ARHGEF10: variants seen among roughly 807,000 people sequenced by gnomAD.
The protein encoded by ARHGEF10 is Rho guanine nucleotide exchange factor 10, also known as Rho guanine nucleotide exchange factor (GEF) 10.
Under a neutral mutation model 147.4 loss-of-function variants are expected in ARHGEF10, and 140 were observed. That is an observed-to-expected ratio of 0.95 (90% CI 0.83 to 1.09). ARHGEF10 has a LOEUF of 1.09. Among genes scored for constraint, ARHGEF10 ranks in the 50% least tolerant of loss-of-function variants. The pLI, the probability that ARHGEF10 is intolerant of heterozygous loss-of-function variation, is 0.00. For missense variants in ARHGEF10, 2,222 were observed against 1,752.7 expected, an observed-to-expected ratio of 1.27 and a Z score of -4.78; for synonymous variants, 902 against 695.8, an observed-to-expected ratio of 1.30 and a Z score of -4.67.
At chr8:1,910,659 A>G (rs1016420258) in intron 18 of ARHGEF10, among the ~76,000 whole-genome samples, 1 of 152,334 alleles carries the variant, frequency 6.6e-6, no homozygotes, top group Non-Finnish European at 1.5e-5. Flanking sequence ...CATTTCTGAC[A>G]TGATTCATTA....
intron 18 of ARHGEF10, among the ~76,000 whole-genome samples, chr8:1,922,657 C>T (rs143041794): frequency 1.3e-5 from 2 of 152,236 alleles, no homozygotes; most frequent in South Asian, 2.1e-4. Flanking sequence ...TCAGGAGTGC[C>T]GTGTCATTGT....
intron 8 of ARHGEF10, among the ~76,000 whole-genome samples, chr8:1,878,908 C>T (rs1353374575): frequency 6.6e-6 from 1 of 152,150 alleles, no homozygotes; most frequent in African/African-American, 2.4e-5. Flanking sequence ...TCTGCATTTC[C>T]AGCCTCTCCT....
At chr8:1,923,434 A>G in intron 19 of ARHGEF10, 34 bp from the exon 20 acceptor site, 1 of 1,613,910 alleles carries the variant, frequency 6.2e-7, no homozygotes, top group Non-Finnish European at 8.5e-7. Context: ...GTTTTTAAAC[A>G]CTTTTGAAAT....
chr8:1,949,930 C>A (rs975924270), intron 27 of ARHGEF10, among the ~76,000 whole-genome samples: 2 of 152,114 alleles, frequency 1.3e-5, no homozygotes, highest in African/African-American at 4.8e-5. Flanking sequence ...ACTCACTGTT[C>A]TGTCTCTGAG....
At chr8:1,851,521 C>G (rs1264479611) in intron 2 of ARHGEF10, among the ~76,000 whole-genome samples, 1 of 151,436 alleles carries the variant, frequency 6.6e-6, no homozygotes, top group Non-Finnish European at 1.5e-5. Flanking sequence ...TTGGGGGAGG[C>G]TCTCTTTGGG....
At position 1,929,398 on chromosome 8, in the gene ARHGEF10, G is replaced by A. The variant is rs754597393; in HGVS notation, c.3034G>A (p.Ala1012Thr). The A allele has an allele frequency of 9.3e-6, 15 of 1,612,726 alleles. No individual in the cohort carries two copies. In the East Asian group the frequency reaches 2.0e-4, roughly 22 times the overall value. Reference sequence around the variant, plus strand: ...GGCTTGCACGTCTCAGAGCCTGTACGCTGGCCTGGTCAACGGGGCAGTCGC... The same window carrying A: ...GGCTTGCACGTCTCAGAGCCTGTACACTGGCCTGGTCAACGGGGCAGTCGC... ...SLACTSQSLY[A>T]GLVNGAVASY... Residue 1012 changes from alanine to threonine, a missense_variant, in exon 25 of 29, where the codon GCT becomes ACT. Coordinates refer to ENST00000349830, the MANE Select transcript of ARHGEF10 (RefSeq NM_014629.4).
At chr8:1,938,101 G>A (rs1274268500) in intron 26 of ARHGEF10, among the ~76,000 whole-genome samples, 2 of 152,214 alleles carry the variant, frequency 1.3e-5, no homozygotes, top group African/African-American at 2.4e-5. Flanking sequence ...TGCCATGGAC[G>A]CTGAGCTGCC....
At chr8:1,844,543 G>C (rs1804396151) in intron 2 of ARHGEF10, among the ~76,000 whole-genome samples, 1 of 138,810 alleles carries the variant, frequency 7.2e-6, no homozygotes, top group African/African-American at 2.7e-5. Flanking sequence ...CCGGGGGTCT[G>C]CGGTGGGGAA....
chr8:1,876,355 A>C (rs1807699621), intron 7 of ARHGEF10: 2 of 603,604 alleles, frequency 3.3e-6, no homozygotes, highest in East Asian at 5.6e-5. Flanking sequence ...AAACACCTGA[A>C]GTGCTTTTCC....
intron 1 of ARHGEF10, among the ~76,000 whole-genome samples, chr8:1,832,560 AGACAGAGG>A (rs1803208984): frequency 1.3e-5 from 2 of 150,688 alleles, no homozygotes; most frequent in Admixed American, 6.6e-5. Context: ...AGACAGAGAG[AGACAGAGG>A]CAGAGACAGA....
chr8:1,876,120 C>T, intron 7 of ARHGEF10: 1 of 198,080 alleles, frequency 5.0e-6, no homozygotes, highest in South Asian at 1.0e-4. Flanking sequence ...ATCCACCTAT[C>T]CATCCACCTA....
chr8:1,864,513 G>T (rs1806420191), intron 5 of ARHGEF10, 77 bp downstream of exon 5: 3 of 1,455,840 alleles, frequency 2.1e-6, no homozygotes, highest in Non-Finnish European at 2.9e-6. Context: ...ATCCTGGTGT[G>T]TGTCCCTGCC....
chr8:1,922,001 T>C (rs758779628), intron 18 of ARHGEF10, among the ~76,000 whole-genome samples: 3 of 152,168 alleles, frequency 2.0e-5, no homozygotes, highest in Non-Finnish European at 2.9e-5. Context: ...TATTACTGCA[T>C]ATTGCTTAAA....
Position 1,925,143 on chromosome 8 carries a change from T to G in ARHGEF10, c.2489-140T>G, listed in dbSNP as rs190872668. 41 of 1,058,346 alleles carry G rather than the reference T, an allele frequency of 3.9e-5. No homozygotes were observed. The Admixed American group carries it at 8.0e-4, about 21-fold the overall frequency. 65.6% of individuals were successfully genotyped at this position (1,058,346 alleles called of 1,614,324 possible). A position where few individuals can be genotyped will look rare whatever the true frequency, so the allele number is the denominator to read the frequency against. ...GCTGTAAGAAGAGATTGTACTGCTT[T>G]CCACAAGTAAAACATGGCGTTGTCT... On this transcript the variant is annotated intron_variant, in intron 21 of 28. Coordinates refer to ENST00000349830, the MANE Select transcript of ARHGEF10 (RefSeq NM_014629.4).
At chr8:1,882,062 C>G (rs980304523) in intron 9 of ARHGEF10, among the ~76,000 whole-genome samples, 3 of 152,208 alleles carry the variant, frequency 2.0e-5, no homozygotes, top group Non-Finnish European at 4.4e-5. Context: ...ACATGGCTTC[C>G]GAGTCTGACA....
intron 7 of ARHGEF10, chr8:1,876,171 A>T: frequency 3.7e-6 from 1 of 273,930 alleles, no homozygotes; most frequent in Non-Finnish European, 7.1e-6. Context: ...CATGCCTATC[A>T]TCTGTCCACC....
At chr8:1,856,329 G>A (rs972470331) in intron 2 of ARHGEF10, among the ~76,000 whole-genome samples, 1 of 152,192 alleles carries the variant, frequency 6.6e-6, no homozygotes, top group African/African-American at 2.4e-5. Flanking sequence ...GGGGTCCCCA[G>A]GTGTCATGGT....
In ARHGEF10 at chr8:1,930,668, C is replaced by A. The variant is rs575330126; in HGVS notation, c.3079+1225C>A. 3.6e-4 allele frequency among the ~76,000 whole-genome samples: 55 copies of A among 152,362 alleles called. 1 individual carries two copies. The highest frequency in any genetic ancestry group is 1.3e-3 in the African/African-American group (53 of 41,592). On this transcript the variant is annotated intron_variant, in intron 25 of 28. Coordinates refer to ENST00000349830, the MANE Select transcript of ARHGEF10 (RefSeq NM_014629.4). ...CCTCCTTAGAAATCTGCGCCAGCCC[C>A]TCCCAGAGCCTGGGGTGTTATTTGC... is the stretch of plus-strand genomic sequence containing the variant.
intron 2 of ARHGEF10, among the ~76,000 whole-genome samples, chr8:1,847,475 T>C (rs1302402332): frequency 6.6e-6 from 1 of 152,206 alleles, no homozygotes; most frequent in Non-Finnish European, 1.5e-5. Context: ...ATAAGTACAA[T>C]TGGCATGTTA....
Sources: gnomAD v4.1 joint callset for allele counts (sites outside exome capture counted in the v4.1 genomes callset) on GRCh38, gnomAD v4.1.1 for gene constraint, MANE v1.5 for transcripts, NCBI Gene and HGNC (gene_info 2026-07-23, HGNC 2026-07-21) for gene names.